CPVL: variants seen among roughly 807,000 people sequenced by gnomAD.
CPVL encodes probable serine carboxypeptidase CPVL.
A neutral mutation model predicts 63.7 loss-of-function variants in CPVL; 51 were observed. That is an observed-to-expected ratio of 0.80 (90% confidence interval 0.64 to 1.01). The LOEUF is 1.01. Among genes scored for constraint, CPVL ranks in the 50% least tolerant of loss-of-function variants. The pLI is 0.00. For missense variants in CPVL, 530 were observed against 573.1 expected (o/e 0.92, Z 0.77); for synonymous variants, 195 against 206.0 (o/e 0.95, Z 0.46).
chr7:29,122,891 CTT>C (rs1789523612), intron 1 of CPVL, among the ~76,000 whole-genome samples: 3 of 152,188 alleles, frequency 2.0e-5, no homozygotes, highest in South Asian at 2.1e-4. Flanking sequence ...TAGTGCCTCT[CTT>C]GTCTCACCCT....
intron 5 of CPVL, among the ~76,000 whole-genome samples, chr7:29,157,430 C>T (rs530083353): frequency 7.2e-5 from 10 of 139,072 alleles, no homozygotes; most frequent in South Asian, 5.1e-4. Flanking sequence ...AGAGAAATGG[C>T]GTTATCTCAG....
chr7:29,020,928 C>A (rs1786903192), intron 12 of CPVL, among the ~76,000 whole-genome samples: 1 of 152,128 alleles, frequency 6.6e-6, no homozygotes, highest in African/African-American at 2.4e-5. Context: ...GTAATCCCAG[C>A]ACTTTGGGAG....
At chr7:29,062,528 T>TA (rs889706805) in intron 11 of CPVL, among the ~76,000 whole-genome samples, 12 of 152,214 alleles carry the variant, frequency 7.9e-5, no homozygotes, top group African/African-American at 2.9e-4. Flanking sequence ...TAATTGGTCT[T>TA]AAACTATTTT....
At chr7:29,031,811 G>A (rs1788045734) in intron 11 of CPVL, among the ~76,000 whole-genome samples, 1 of 152,072 alleles carries the variant, frequency 6.6e-6, no homozygotes, top group Non-Finnish European at 1.5e-5. Context: ...ATGTTTCATT[G>A]AACCATGATG....
intron 11 of CPVL, among the ~76,000 whole-genome samples, chr7:29,048,226 A>G (rs945136845): frequency 2.6e-5 from 4 of 152,232 alleles, no homozygotes; most frequent in African/African-American, 9.6e-5. Flanking sequence ...CAATAGTAAC[A>G]TTGAATGCAA....
intron 1 of CPVL, among the ~76,000 whole-genome samples, chr7:29,129,308 G>C (rs1484705812): frequency 2.0e-5 from 3 of 152,156 alleles, no homozygotes; most frequent in Non-Finnish European, 4.4e-5. Flanking sequence ...GAAGTACAAG[G>C]ATGGCACCTG....
Position 29,003,383 on chromosome 7 carries a change from A to G in CPVL, c.1321-7501T>C, listed in dbSNP as rs139679334. On this transcript the variant is annotated intron_variant, in intron 12 of 12. Transcript: ENST00000265394. ...ATATCTGCCAACCTAGAACTTGTAT[A>G]GAAATGAAGACCTTGTAAAGATATT... is the stretch of plus-strand genomic sequence containing the variant. Among the ~76,000 whole-genome samples the G allele has an allele frequency of 2.8e-3, 420 of 152,356 alleles. 1 individual carries two copies. Among genetic ancestry groups the G allele is most frequent in the African/African-American group, 9.6e-3 (400 of 41,576 alleles).
chr7:29,147,405 A>G, upstream of CPVL: 1 of 158,800 alleles, frequency 6.3e-6, no homozygotes, highest in Non-Finnish European at 1.4e-5. Context: ...AGCCAACCCG[A>G]CAGTCAGGGG....
rs1443240619 is a variant in CPVL at position 28,995,720 on chromosome 7, G to A, written c.*52C>T. 1.1e-5 allele frequency: 12 copies of A among 1,076,174 alleles called. No individual in the cohort carries two copies. Among genetic ancestry groups the A allele is most frequent in the South Asian group, 2.9e-5 (2 of 69,328 alleles). 66.7% of individuals were successfully genotyped at this position (1,076,174 alleles called of 1,614,324 possible). A position where few individuals can be genotyped will look rare whatever the true frequency, so the allele number is the denominator to read the frequency against. On this transcript the variant is annotated 3_prime_UTR_variant, in exon 13 of 13. Coordinates refer to ENST00000265394, the MANE Select transcript of CPVL (RefSeq NM_031311.5). The stretch of plus-strand genomic sequence containing the variant: ...TTCCTATGACATTTTCTGTTTTTAC[G>A]ATTTTCTTTTCAGCAATGAAAACCT...
upstream of CPVL, among the ~76,000 whole-genome samples, chr7:29,151,207 T>C (rs1179745127): frequency 6.6e-6 from 1 of 152,322 alleles, no homozygotes; most frequent in African/African-American, 2.4e-5. Flanking sequence ...ACATGGTAAT[T>C]ATTTCTAATA....
At chr7:29,150,320 A>C (rs1372520374), upstream of CPVL, among the ~76,000 whole-genome samples, 1 of 152,238 alleles carries the variant, frequency 6.6e-6, no homozygotes, top group Non-Finnish European at 1.5e-5. Context: ...GAAATAAGAT[A>C]GTAGTACATA....
At chr7:29,175,939 C>A (rs1345293129) in intron 5 of CPVL, among the ~76,000 whole-genome samples, 1 of 152,148 alleles carries the variant, frequency 6.6e-6, no homozygotes, top group African/African-American at 2.4e-5. Context: ...GTAATCCCAG[C>A]ACTTTGGGAG....
upstream of CPVL, chr7:29,146,629 C>T (rs558382517): frequency 5.2e-5 from 80 of 1,550,590 alleles, no homozygotes; most frequent in South Asian, 2.7e-4. Context: ...GTGTCCCAAC[C>T]TCCTGGTCCC....
At chr7:29,096,289 T>G (rs963721103) in intron 3 of CPVL, 72 bp from the exon 4 acceptor site, 1 of 1,214,176 alleles carries the variant, frequency 8.2e-7, no homozygotes, top group Admixed American at 1.7e-5. Context: ...ACAAGCAAAC[T>G]TACCCAAATC....
chr7:29,146,538 G>T (rs960584063), upstream of CPVL: 6 of 1,511,310 alleles, frequency 4.0e-6, no homozygotes, highest in South Asian at 6.5e-5. Context: ...ACCCAGTCAC[G>T]AGGACCCTGC....
upstream of CPVL, among the ~76,000 whole-genome samples, chr7:29,147,750 G>A (rs1792956567): frequency 6.6e-6 from 1 of 152,128 alleles, no homozygotes. Flanking sequence ...AATATATGCA[G>A]GACCCAGGGC....
chr7:29,128,540 AC>A (rs974507005), intron 1 of CPVL, among the ~76,000 whole-genome samples: 2 of 151,820 alleles, frequency 1.3e-5, no homozygotes, highest in African/African-American at 4.8e-5. Flanking sequence ...ACACGGTGAA[AC>A]CCTGTCTCTA....
chr7:29,094,745 C>A (rs376460493), intron 5 of CPVL, among the ~76,000 whole-genome samples: 3 of 152,082 alleles, frequency 2.0e-5, no homozygotes, highest in African/African-American at 7.2e-5. Flanking sequence ...CGCCTGTAAT[C>A]CCAGCTACTT....
intron 5 of CPVL, among the ~76,000 whole-genome samples, chr7:29,178,927 A>T (rs1797715275): frequency 6.6e-6 from 1 of 152,236 alleles, no homozygotes; most frequent in Non-Finnish European, 1.5e-5. Flanking sequence ...AAGAACACTA[A>T]CACACCATTT....
Sources: allele counts gnomAD v4.1 joint callset (sites outside exome capture counted in the v4.1 genomes callset), GRCh38; gene constraint gnomAD v4.1.1; transcripts MANE v1.5; gene names NCBI Gene and HGNC (gene_info 2026-07-23, HGNC 2026-07-21).